HIRA: variants seen among roughly 807,000 people sequenced by gnomAD.
HIRA encodes the protein histone cell cycle regulator, also known as protein HIRA.
HIRA carries 13 observed loss-of-function variants against 126.6 expected under a neutral mutation model. That is an observed-to-expected ratio of 0.10 (90% CI 0.07 to 0.16). The LOEUF is 0.16. HIRA is among the 10% of genes least tolerant of loss of function. The pLI, the probability that HIRA is intolerant of heterozygous loss-of-function variation, is 1.00. For synonymous variants in HIRA, 511 were observed against 520.0 expected (o/e 0.98, Z 0.24); for missense variants, 834 against 1,314.4 (o/e 0.63, Z 5.65).
rs766946265 is a variant in HIRA, at chr22:19,383,589, A to G, written c.1415+31T>C. The G allele has an allele frequency of 2.6e-6, 4 of 1,559,134 alleles. No homozygotes were observed. In the East Asian group the frequency reaches 6.7e-5, roughly 26 times the overall value. ...AAAGAAGACAGGAAGATCTCGCCAG[A>G]TAAGACCATGAAAGGGGAATGAACC... On this transcript the variant is annotated intron_variant, in intron 13 of 24. Transcript: ENST00000263208.
Position 19,392,198 on chromosome 22 carries a change from AT to A in HIRA, c.838del (p.Ile280SerfsTer37). Reference sequence around the variant, plus strand: ...CCCATTCTTCTGCTTCTTTTTGAAGATTTTTGGGTTGAATTTCTAAAGCCAA... The same window carrying A: ...CCCATTCTTCTGCTTCTTTTTGAAGATTTTGGGTTGAATTTCTAAAGCCAA... ...AVTVVKFNPK[I>X]FKKKQKNGSS... On this transcript the variant is annotated frameshift_variant, in exon 9 of 25. Coordinates refer to ENST00000263208, the MANE Select transcript of HIRA (RefSeq NM_003325.4). LOFTEE classifies it high-confidence loss of function. 6.2e-7 allele frequency: 1 copy of A among 1,607,210 alleles called. No individual in the cohort carries two copies. The highest frequency in any genetic ancestry group is 8.5e-7 in the Non-Finnish European group (1 of 1,174,288).
chr22:19,395,860 T>C (rs1706830710), intron 7 of HIRA, among the ~76,000 whole-genome samples: 1 of 152,198 alleles, frequency 6.6e-6, no homozygotes, highest in Non-Finnish European at 1.5e-5. Context: ...AGTAGACACT[T>C]AATAAATGTC....
intron 9 of HIRA, among the ~76,000 whole-genome samples, chr22:19,389,392 G>T (rs1338309719): frequency 6.6e-6 from 1 of 152,112 alleles, no homozygotes; most frequent in South Asian, 2.1e-4. Context: ...GCCCTGAACT[G>T]CAGGACAATG....
intron 1 of HIRA, among the ~76,000 whole-genome samples, chr22:19,419,730 A>G (rs2089428334): frequency 6.6e-6 from 1 of 152,208 alleles, no homozygotes; most frequent in Non-Finnish European, 1.5e-5. Context: ...TTGCTGTTGA[A>G]TGGCTGGAGA....
intron 7 of HIRA, 118 bp from the exon 8 acceptor site, chr22:19,394,627 C>T (rs944902255): frequency 9.8e-7 from 1 of 1,018,864 alleles, no homozygotes. Flanking sequence ...GCATGCACCC[C>T]AAGCTTCTGG....
chr22:19,414,009 A>G (rs1392163523), intron 1 of HIRA, among the ~76,000 whole-genome samples: 2 of 152,168 alleles, frequency 1.3e-5, no homozygotes, highest in Non-Finnish European at 2.9e-5. Context: ...GTGGCACAGC[A>G]TGATGATGAC....
intron 13 of HIRA, among the ~76,000 whole-genome samples, chr22:19,382,770 T>G (rs1569301996): frequency 7.8e-6 from 1 of 127,764 alleles, no homozygotes; most frequent in African/African-American, 4.9e-5. Flanking sequence ...CATTTTTCTT[T>G]CTTTTTTTTT....
intron 13 of HIRA, 94 bp from the exon 14 acceptor site, chr22:19,378,160 C>A: frequency 1.1e-6 from 1 of 889,278 alleles, no homozygotes. Context: ...GGTCCAAAGG[C>A]AGTATGTTTT....
At chr22:19,395,725 G>A (rs140299898) in intron 7 of HIRA, among the ~76,000 whole-genome samples, 177 of 152,184 alleles carry the variant, frequency 1.2e-3, no homozygotes, top group African/African-American at 4.0e-3. Context: ...CTGCACTCTG[G>A]ACAACTCCAT....
chr22:19,428,906 C>T (rs1263927231), intron 1 of HIRA, among the ~76,000 whole-genome samples: 1 of 152,210 alleles, frequency 6.6e-6, no homozygotes, highest in African/African-American at 2.4e-5. Context: ...CTACCCACCC[C>T]TCAGGCTTCC....
At chr22:19,355,612 C>A (rs781964397) in intron 21 of HIRA, 148 bp downstream of exon 21, 3 of 623,574 alleles carry the variant, frequency 4.8e-6, no homozygotes, top group Non-Finnish European at 8.7e-6. Context: ...GGGGAGCATG[C>A]ACAGATAGTC....
chr22:19,350,101 G>T (rs192328546), intron 24 of HIRA, among the ~76,000 whole-genome samples: 29 of 151,854 alleles, frequency 1.9e-4, no homozygotes, highest in African/African-American at 6.0e-4. Context: ...TGCCCAGCAT[G>T]AAATAGCAGC....
intron 24 of HIRA, among the ~76,000 whole-genome samples, chr22:19,349,791 T>G (rs1402288251): frequency 6.6e-6 from 1 of 152,164 alleles, no homozygotes; most frequent in Non-Finnish European, 1.5e-5. Context: ...GGGCTGACCC[T>G]CTGGCCTTTT....
At chr22:19,422,169 T>TACAC (rs762601560) in intron 1 of HIRA, among the ~76,000 whole-genome samples, 281 of 111,630 alleles carry the variant, frequency 2.5e-3, no homozygotes, top group East Asian at 8.1e-3. Context: ...TGTGTTTATA[T>TACAC]ATACACACAC....
chr22:19,363,981 G>A (rs533220338), intron 15 of HIRA, among the ~76,000 whole-genome samples: 5 of 152,256 alleles, frequency 3.3e-5, no homozygotes, highest in South Asian at 4.1e-4. Flanking sequence ...CCCGTAAAAC[G>A]TACAACATCA....
Position 19,387,035 on chromosome 22 carries a change from C to T in HIRA, c.1113+676G>A, listed in dbSNP as rs188913167. Among the ~76,000 whole-genome samples, 4 of 152,312 alleles carry T rather than the reference C, an allele frequency of 2.6e-5. No individual in the cohort carries two copies. The East Asian group carries it at 7.7e-4, about 29-fold the overall frequency. On this transcript the variant is annotated intron_variant, in intron 11 of 24. Transcript: ENST00000263208. ...CTTCAGACACATACACACAACCCAC[C>T]AAGTGGGGGCAGGTTTCTAAGCCTC...
chr22:19,391,255 A>C (rs1224504714), intron 9 of HIRA, among the ~76,000 whole-genome samples: 1 of 152,214 alleles, frequency 6.6e-6, no homozygotes, highest in Non-Finnish European at 1.5e-5. Flanking sequence ...AGAAGCAAGT[A>C]CCACACAATT....
At chr22:19,402,968 T>A (rs2089280902) in intron 5 of HIRA, among the ~76,000 whole-genome samples, 1 of 151,676 alleles carries the variant, frequency 6.6e-6, no homozygotes, top group South Asian at 2.1e-4. Flanking sequence ...CCAGGTATGG[T>A]GATGTACATC....
intron 22 of HIRA, 102 bp from the exon 23 acceptor site, chr22:19,353,621 AC>A: frequency 8.1e-7 from 1 of 1,234,088 alleles, no homozygotes; most frequent in Non-Finnish European, 1.1e-6. Flanking sequence ...GGAGGCAGGC[AC>A]CAGGGCTGCC....
Sources: gnomAD v4.1 joint callset for allele counts (sites outside exome capture counted in the v4.1 genomes callset) on GRCh38, gnomAD v4.1.1 for gene constraint, MANE v1.5 for transcripts, NCBI Gene and HGNC (gene_info 2026-07-23, HGNC 2026-07-21) for gene names.